Variants in POTEH observed in about 807,000 individuals in gnomAD.
POTEH encodes ANKRD26-like family C member 3.
In POTEH, 6 loss-of-function variants were observed where a neutral mutation model predicts 41.7. The ratio of observed to expected loss-of-function variants is 0.14; its 90% CI spans 0.08 to 0.28. The LOEUF (loss-of-function observed/expected upper bound fraction) is 0.28, where lower values mean the gene tolerates loss of function less well. POTEH is among the 10% of genes least tolerant of loss of function. The probability of loss-of-function intolerance (pLI) is 1.00; values close to 1 mark genes in which losing one functional copy is unlikely to be tolerated. For missense variants in POTEH, 115 were observed against 533.5 expected (o/e 0.22, Z 7.73); for synonymous variants, 38 against 179.9 (o/e 0.21, Z 6.31).
Position 15,698,774 on chromosome 22 carries a change from GTTCT to G in POTEH, c.1028+13_1028+16del, listed in dbSNP as rs760280909. 21 of 1,611,454 alleles carry G rather than the reference GTTCT, an allele frequency of 1.3e-5. No individual in the cohort carries two copies. The East Asian group carries it at 4.7e-4, about 36-fold the overall frequency. ...GCACTGGATAGATATGGAAGGTATA[GTTCT>G]TTCTTTTAATCTGTGTGTTCTAGAT... On this transcript the variant is annotated splice_region_variant and intron_variant, in intron 4 of 10. Transcript: ENST00000343518.
intron 9 of POTEH, among the ~76,000 whole-genome samples, chr22:15,713,589 T>A (rs1989865664): frequency 6.6e-6 from 1 of 152,292 alleles, no homozygotes; most frequent in Non-Finnish European, 1.5e-5. Flanking sequence ...AACCTCTGCC[T>A]CCTGGCTTCC....
At chr22:15,713,802 T>A (rs1989870548) in intron 9 of POTEH, among the ~76,000 whole-genome samples, 1 of 152,302 alleles carries the variant, frequency 6.6e-6, no homozygotes, top group Non-Finnish European at 1.5e-5. Context: ...GCCTGGCCCT[T>A]CATGACTTTT....
chr22:15,703,697 T>A (rs1989609216), intron 6 of POTEH, among the ~76,000 whole-genome samples: 1 of 149,496 alleles, frequency 6.7e-6, no homozygotes, highest in Non-Finnish European at 1.5e-5. Flanking sequence ...TAATACACTG[T>A]ATAGTCCAAA....
intron 9 of POTEH, among the ~76,000 whole-genome samples, chr22:15,713,533 T>C (rs1989864153): frequency 6.6e-6 from 1 of 152,298 alleles, no homozygotes; most frequent in South Asian, 2.1e-4. Context: ...GAAGTCTGGC[T>C]TTGTCCCCTA....
chr22:15,692,503 C>A (rs752162920), intron 1 of POTEH, among the ~76,000 whole-genome samples: 16,339 of 107,812 alleles, frequency 0.15, 139 homozygotes, highest in African/African-American at 0.24. Flanking sequence ...CGCCTGTTAC[C>A]CCAGCACTTT....
intron 9 of POTEH, among the ~76,000 whole-genome samples, chr22:15,713,031 A>T (rs1601503290): frequency 6.6e-6 from 1 of 151,952 alleles, no homozygotes; most frequent in Non-Finnish European, 1.5e-5. Context: ...TCCACCTGTT[A>T]TGTAAAATTT....
chr22:15,696,332 C>A (rs1989430947), intron 3 of POTEH, among the ~76,000 whole-genome samples: 1 of 144,462 alleles, frequency 6.9e-6, no homozygotes, highest in Non-Finnish European at 1.5e-5. Flanking sequence ...AGAGAGCAGT[C>A]AGAAATATCA....
At chr22:15,691,981 G>GAGATATATATATATAT (rs1989326565) in intron 1 of POTEH, among the ~76,000 whole-genome samples, 1 of 123,046 alleles carries the variant, frequency 8.1e-6, no homozygotes, top group Non-Finnish European at 1.7e-5. Context: ...TACATATGCA[G>GAGATATATATATATAT]ATACATATAT....
intron 4 of POTEH, chr22:15,699,582 A>G (rs1290671160): frequency 4.6e-6 from 1 of 218,726 alleles, no homozygotes; most frequent in Admixed American, 5.3e-5. Flanking sequence ...AGAAAGATAT[A>G]TGTGGCATTT....
chr22:15,708,628 T>C (rs1345263964), intron 7 of POTEH, among the ~76,000 whole-genome samples: 1 of 146,644 alleles, frequency 6.8e-6, no homozygotes, highest in African/African-American at 2.6e-5. Context: ...ATATTTGATA[T>C]TTAACTTCAA....
chr22:15,713,545 G>A (rs866463597), intron 9 of POTEH, among the ~76,000 whole-genome samples: 320 of 150,814 alleles, frequency 2.1e-3, no homozygotes, highest in Middle Eastern at 6.9e-3. Flanking sequence ...TGTCCCCTAG[G>A]CTGGTGTTCA....
chr22:15,691,450 T>C lies in POTEH; in HGVS notation c.632+741T>C, dbSNP rs368838803. ...CTGAGGCAGGAGAATGGCGTGAACC[T>C]GGGAGGCGGAGCTTGCAGTGAGCCG... On this transcript the variant is annotated intron_variant, in intron 1 of 10. Transcript: ENST00000343518. 8.3e-4 allele frequency among the ~76,000 whole-genome samples: 94 copies of C among 113,102 alleles called. 6 individuals carry two copies. Among genetic ancestry groups the C allele is most frequent in the East Asian group, 5.4e-3 (23 of 4,292 alleles). The allele number at this position is 113,102 out of a possible 152,430, so 74.2% of individuals were successfully genotyped here. A position where few individuals can be genotyped will look rare whatever the true frequency, so the allele number is the denominator to read the frequency against.
At chr22:15,714,139 T>C (rs1197430132) in intron 9 of POTEH, among the ~76,000 whole-genome samples, 1 of 150,262 alleles carries the variant, frequency 6.7e-6, no homozygotes, top group African/African-American at 2.5e-5. Flanking sequence ...ATCTAATCTC[T>C]CAGTAAATCT....
At chr22:15,690,967 A>G (rs899834445) in intron 1 of POTEH, among the ~76,000 whole-genome samples, 1 of 130,542 alleles carries the variant, frequency 7.7e-6, no homozygotes, top group African/African-American at 2.7e-5. Context: ...TTTAACTCGC[A>G]ACGTTGTCGA....
intron 1 of POTEH, among the ~76,000 whole-genome samples, chr22:15,691,533 A>AG (rs1179351563): frequency 7.3e-6 from 1 of 137,132 alleles, no homozygotes; most frequent in African/African-American, 2.6e-5. Context: ...CTCAAAAAAA[A>AG]AAAAAAAAAA....
chr22:15,691,958 A>C (rs1455525394), intron 1 of POTEH, among the ~76,000 whole-genome samples: 9 of 145,016 alleles, frequency 6.2e-5, no homozygotes, highest in Non-Finnish European at 1.2e-4. Context: ...AGAAGAAAAC[A>C]CAAGTGCCTA....
In POTEH at chr22:15,690,964, C is replaced by T. The variant is rs114421124; in HGVS notation, c.632+255C>T. ...TAGACTGTTTTGAAGTGATTTAACT[C>T]GCAACGTTGTCGATGCAGCAGATTA... On this transcript the variant is annotated intron_variant, in intron 1 of 10. Transcript: ENST00000343518. Among the ~76,000 whole-genome samples, 70 of 130,288 alleles carry T rather than the reference C, an allele frequency of 5.4e-4. 1 individual carries two copies. Among genetic ancestry groups the T allele is most frequent in the African/African-American group, 1.5e-3 (54 of 36,418 alleles). The allele number at this position is 130,288 out of a possible 152,430, so 85.5% of individuals were successfully genotyped here. A position where few individuals can be genotyped will look rare whatever the true frequency, so the allele number is the denominator to read the frequency against.
rs561960009 is a variant in POTEH, at chr22:15,691,828, A to G, written c.632+1119A>G. On this transcript the variant is annotated intron_variant, in intron 1 of 10. Coordinates refer to ENST00000343518, the MANE Select transcript of POTEH (RefSeq NM_001136213.1). The stretch of plus-strand genomic sequence containing the variant: ...GCGCTTGATAATGGTGATGTTTTGT[A>G]TTATTTAAAAAAGATGGATTGTTCA... Among the ~76,000 whole-genome samples the G allele has an allele frequency of 1.1e-4, 17 of 149,414 alleles. No homozygotes were observed. In the South Asian group the frequency reaches 3.7e-3, roughly 32 times the overall value.
intron 1 of POTEH, among the ~76,000 whole-genome samples, chr22:15,692,287 G>T (rs1989338782): frequency 6.9e-6 from 1 of 144,976 alleles, no homozygotes; most frequent in Non-Finnish European, 1.5e-5. Context: ...TTACAGGCGT[G>T]AGCCACCATG....
Sources: allele counts gnomAD v4.1 joint callset (sites outside exome capture counted in the v4.1 genomes callset), GRCh38; gene constraint gnomAD v4.1.1; transcripts MANE v1.5; gene names NCBI Gene and HGNC (gene_info 2026-07-23, HGNC 2026-07-21).